Variants in BCKDHB observed in about 807,000 individuals in gnomAD.
BCKDHB encodes the protein 2-oxoisovalerate dehydrogenase subunit beta, mitochondrial.
Under a neutral mutation model 48.5 loss-of-function variants are expected in BCKDHB, and 41 were observed. The ratio of observed to expected loss-of-function variants is 0.85; its 90% CI spans 0.66 to 1.10. The LOEUF (loss-of-function observed/expected upper bound fraction) is 1.10. Ranked by LOEUF, BCKDHB falls within the 50% of genes least tolerant of loss-of-function variation. BCKDHB has a pLI of 0.00. For synonymous variants in BCKDHB, 201 were observed against 174.8 expected, an observed-to-expected ratio of 1.15 and a Z score of -1.18; for missense variants, 496 against 494.2, an observed-to-expected ratio of 1.00 and a Z score of -0.03.
intron 9 of BCKDHB, 90 bp from the exon 10 acceptor site, chr6:80,343,574 T>G: frequency 5.0e-6 from 7 of 1,403,256 alleles, no homozygotes; most frequent in Non-Finnish European, 7.0e-6. Flanking sequence ...GCAATTGTAT[T>G]TTTAGTAAGT....
chr6:80,443,681 T>A, the BCKDHB span: 16 of 152,146 alleles, frequency 1.1e-4, no homozygotes, highest in African/African-American at 3.9e-4. Context: ...TATTTATATA[T>A]TTTTTAACTG....
At chr6:80,367,994 G>T in the BCKDHB span, among the ~76,000 whole-genome samples, 1 of 152,196 alleles carries the variant, frequency 6.6e-6, no homozygotes, top group African/African-American at 2.4e-5. Context: ...TGAGAGTGAC[G>T]CTGTGTGAGA....
At chr6:80,317,398 T>C (rs902253013) in intron 9 of BCKDHB, among the ~76,000 whole-genome samples, 1 of 152,216 alleles carries the variant, frequency 6.6e-6, no homozygotes, top group Non-Finnish European at 1.5e-5. Flanking sequence ...ATCTGTTTCC[T>C]AGCCCCATCT....
At chr6:80,158,913 T>C (rs930672411) in intron 3 of BCKDHB, among the ~76,000 whole-genome samples, 1 of 152,200 alleles carries the variant, frequency 6.6e-6, no homozygotes, top group Non-Finnish European at 1.5e-5. Flanking sequence ...ACTGTGACGA[T>C]TACCTTGATG....
chr6:80,228,191 C>T lies in BCKDHB; in HGVS notation c.951+24979C>T, dbSNP rs180972335. On this transcript the variant is annotated intron_variant, in intron 8 of 9. Coordinates refer to ENST00000320393, the MANE Select transcript of BCKDHB (RefSeq NM_183050.4). Reference sequence around the variant, plus strand: ...CATGCTGTTAGAAATAAGCAAACTCCTTTCCTCCTTTCAGGTGAGAATATA... The same window carrying T: ...CATGCTGTTAGAAATAAGCAAACTCTTTTCCTCCTTTCAGGTGAGAATATA... Among the ~76,000 whole-genome samples, 1,202 of 152,324 alleles carry T rather than the reference C, an allele frequency of 7.9e-3. 7 individuals carry two copies. The highest frequency in any genetic ancestry group is 0.011 in the Non-Finnish European group (772 of 68,028).
intron 9 of BCKDHB, among the ~76,000 whole-genome samples, chr6:80,285,271 CCAATACACAGTT>C (rs1406203853): frequency 6.6e-6 from 1 of 152,016 alleles, no homozygotes; most frequent in Non-Finnish European, 1.5e-5. Flanking sequence ...TGTGGCAGTC[CCAATACACAGTT>C]CAAGTACATT....
intron 9 of BCKDHB, among the ~76,000 whole-genome samples, chr6:80,293,114 C>T (rs555730189): frequency 1.6e-4 from 24 of 152,248 alleles, no homozygotes; most frequent in East Asian, 7.8e-4. Flanking sequence ...ATTTTGGGGT[C>T]GAGAGGACGG....
intron 1 of BCKDHB, among the ~76,000 whole-genome samples, chr6:80,107,127 G>C (rs537742071): frequency 1.3e-5 from 2 of 151,836 alleles, no homozygotes; most frequent in African/African-American, 4.8e-5. Context: ...AGATGGGTGA[G>C]AGGGCATACT....
At chr6:80,152,678 A>G (rs901089295) in intron 3 of BCKDHB, among the ~76,000 whole-genome samples, 2 of 152,144 alleles carry the variant, frequency 1.3e-5, no homozygotes, top group Non-Finnish European at 2.9e-5. Context: ...CTAGTAGTTG[A>G]TTTATTATTA....
the BCKDHB span, among the ~76,000 whole-genome samples, chr6:80,387,731 G>A: frequency 6.6e-6 from 1 of 152,238 alleles, no homozygotes; most frequent in South Asian, 2.1e-4. Flanking sequence ...GCAATATACT[G>A]TTACTGTCCT....
chr6:80,439,761 A>T, the BCKDHB span, among the ~76,000 whole-genome samples: 1 of 152,214 alleles, frequency 6.6e-6, no homozygotes, highest in Non-Finnish European at 1.5e-5. Context: ...AGGGGAAATC[A>T]ATTCTAAAGC....
chr6:80,158,048 G>A (rs1416726605), intron 3 of BCKDHB, among the ~76,000 whole-genome samples: 2 of 152,166 alleles, frequency 1.3e-5, no homozygotes, highest in East Asian at 3.9e-4. Context: ...AATTCAAGAG[G>A]TTGTAGTAGG....
chr6:80,270,707 C>T (rs527904186), intron 8 of BCKDHB, among the ~76,000 whole-genome samples: 15 of 152,180 alleles, frequency 9.9e-5, no homozygotes, highest in East Asian at 3.9e-4. Context: ...AAGTATCTAA[C>T]GGCTTTGAGG....
At chr6:80,371,930 G>C in the BCKDHB span, among the ~76,000 whole-genome samples, 1 of 151,992 alleles carries the variant, frequency 6.6e-6, no homozygotes, top group Non-Finnish European at 1.5e-5. Context: ...CTCCAAATTT[G>C]TTCTTTTTGC....
intron 9 of BCKDHB, among the ~76,000 whole-genome samples, chr6:80,335,131 G>A (rs1203683355): frequency 2.7e-5 from 4 of 150,196 alleles, no homozygotes; most frequent in African/African-American, 7.3e-5. Context: ...TTTCTGTTTC[G>A]TGAGACAAAA....
chr6:80,351,003 T>G (rs1770377335), downstream of BCKDHB, among the ~76,000 whole-genome samples: 1 of 152,216 alleles, frequency 6.6e-6, no homozygotes, highest in Non-Finnish European at 1.5e-5. Context: ...GGCTTATCCC[T>G]AAGTTATACT....
At chr6:80,130,126 T>C (rs1390658959) in intron 3 of BCKDHB, among the ~76,000 whole-genome samples, 1 of 151,992 alleles carries the variant, frequency 6.6e-6, no homozygotes, top group Admixed American at 6.5e-5. Flanking sequence ...GAATTCCCAC[T>C]CTTCTGACTT....
At chr6:80,170,048 T>C in intron 5 of BCKDHB, 1 of 586,684 alleles carries the variant, frequency 1.7e-6, no homozygotes, top group Non-Finnish European at 2.1e-6. Flanking sequence ...TCCTTTTTCC[T>C]TTTTTTTTCA....
chr6:80,149,329 G>T (rs1771644235), intron 3 of BCKDHB, among the ~76,000 whole-genome samples: 1 of 152,178 alleles, frequency 6.6e-6, no homozygotes, highest in African/African-American at 2.4e-5. Flanking sequence ...AACAGGTGCT[G>T]GAGAGGATGT....
Sources: allele counts gnomAD v4.1 joint callset (sites outside exome capture counted in the v4.1 genomes callset), GRCh38; gene constraint gnomAD v4.1.1; transcripts MANE v1.5; gene names NCBI Gene and HGNC (gene_info 2026-07-23, HGNC 2026-07-21).